The following UNC5C variants were observed in gnomAD, a reference collection of about 807,000 sequenced individuals.
The protein encoded by UNC5C is unc-5 netrin receptor C, also known as netrin receptor UNC5C.
In UNC5C, 47 loss-of-function variants were observed where a neutral mutation model predicts 99.8. That is an observed-to-expected ratio of 0.47 (90% CI 0.37 to 0.60). UNC5C has a LOEUF of 0.60. Among genes scored for constraint, UNC5C ranks in the 20% least tolerant of loss-of-function variants. UNC5C has a pLI of 0.00. For synonymous variants in UNC5C, 487 were observed against 452.2 expected (o/e 1.08, Z -0.98); for missense variants, 1,062 against 1,165.9 (o/e 0.91, Z 1.30).
chr4:95,500,524 A>G (rs979688924), intron 1 of UNC5C, among the ~76,000 whole-genome samples: 4 of 152,136 alleles, frequency 2.6e-5, no homozygotes, highest in African/African-American at 9.7e-5. Context: ...GGTCATGTTT[A>G]TATGGATTAC....
At chr4:95,351,521 T>C (rs1420703534) in intron 1 of UNC5C, among the ~76,000 whole-genome samples, 2 of 151,978 alleles carry the variant, frequency 1.3e-5, no homozygotes, top group Non-Finnish European at 2.9e-5. Context: ...AGTTCCCACA[T>C]TTAAAAAATT....
At chr4:95,212,031 T>C (rs2149364492) in intron 10 of UNC5C, among the ~76,000 whole-genome samples, 1 of 152,340 alleles carries the variant, frequency 6.6e-6, no homozygotes, top group African/African-American at 2.4e-5. Flanking sequence ...GACAGAATAA[T>C]GTCAACTACT....
chr4:95,176,966 G>T (rs1393085231), intron 14 of UNC5C, among the ~76,000 whole-genome samples: 5 of 132,100 alleles, frequency 3.8e-5, no homozygotes, highest in Admixed American at 1.6e-4. Flanking sequence ...TTAAGCCCGT[G>T]GGAAAAGCGC....
chr4:95,471,038 G>A (rs1747951886), intron 1 of UNC5C, among the ~76,000 whole-genome samples: 1 of 151,056 alleles, frequency 6.6e-6, no homozygotes, highest in Non-Finnish European at 1.5e-5. Flanking sequence ...AGTAAAATGA[G>A]CCTAAATTAG....
intron 10 of UNC5C, among the ~76,000 whole-genome samples, chr4:95,207,242 T>A (rs1737914129): frequency 6.6e-6 from 1 of 152,182 alleles, no homozygotes; most frequent in African/African-American, 2.4e-5. Flanking sequence ...TAAAAAATCA[T>A]TTCAGAATGA....
intron 2 of UNC5C, among the ~76,000 whole-genome samples, chr4:95,314,767 A>G (rs937288564): frequency 3.9e-5 from 6 of 152,176 alleles, no homozygotes; most frequent in Admixed American, 3.9e-4. Context: ...TTTCAGTTTT[A>G]TCTCTTGCAA....
At chr4:95,193,784 T>C (rs546653178) in intron 12 of UNC5C, among the ~76,000 whole-genome samples, 10 of 152,146 alleles carry the variant, frequency 6.6e-5, no homozygotes, top group Non-Finnish European at 1.3e-4. Context: ...CAGCCCCCCA[T>C]GCTCTGTCCC....
intron 1 of UNC5C, among the ~76,000 whole-genome samples, chr4:95,491,015 G>T (rs536305926): frequency 6.6e-6 from 1 of 151,656 alleles, no homozygotes; most frequent in African/African-American, 2.4e-5. Flanking sequence ...CAGAGTAGGC[G>T]CTTAATACAT....
At chr4:95,533,427 GAAT>G (rs1044067909) in intron 1 of UNC5C, among the ~76,000 whole-genome samples, 9 of 150,954 alleles carry the variant, frequency 6.0e-5, no homozygotes, top group South Asian at 2.1e-4. Flanking sequence ...AAAATAATAT[GAAT>G]AATATTATTT....
At chr4:95,253,706 C>T (rs1179829332) in intron 4 of UNC5C, among the ~76,000 whole-genome samples, 1 of 152,124 alleles carries the variant, frequency 6.6e-6, no homozygotes, top group African/African-American at 2.4e-5. Flanking sequence ...AGGACTCCTC[C>T]AGCTTCTGAC....
At chr4:95,541,316 T>C (rs1722913113) in intron 1 of UNC5C, among the ~76,000 whole-genome samples, 1 of 152,132 alleles carries the variant, frequency 6.6e-6, no homozygotes, top group Non-Finnish European at 1.5e-5. Context: ...ACCCATGCTG[T>C]ATAGACTCCC....
chr4:95,479,680 G>A (rs572217035), intron 1 of UNC5C, among the ~76,000 whole-genome samples: 1 of 151,930 alleles, frequency 6.6e-6, no homozygotes, highest in African/African-American at 2.4e-5. Context: ...CCAAGATAGT[G>A]AACATATATT....
chr4:95,412,763 A>C, intron 1 of UNC5C, among the ~76,000 whole-genome samples: 1 of 152,178 alleles, frequency 6.6e-6, no homozygotes, highest in Non-Finnish European at 1.5e-5. Flanking sequence ...TCACCAACTG[A>C]CCCTGAAGTA....
chr4:95,232,156 G>A (rs1045809225), intron 7 of UNC5C, among the ~76,000 whole-genome samples: 10 of 151,780 alleles, frequency 6.6e-5, no homozygotes, highest in African/African-American at 2.4e-4. Context: ...CAAACTCATA[G>A]ATCAGCTACT....
rs763103180 is a variant in UNC5C, at chr4:95,169,245, C to T, written c.2785G>A (p.Gly929Arg). ...HETVVSLAAE[G>R]QY is the part of the protein sequence containing the mutation. ...TTCCAGCATGGTGGTTAATACTGCC[C>T]TTCTGCTGCTAAGGACACCACCGTT... is the stretch of plus-strand genomic sequence containing the variant. The change falls in exon 16 of 16, where the codon GGG (glycine) becomes AGG (arginine). Residue 929 changes from glycine (G) to arginine (R), a missense_variant. Coordinates refer to ENST00000453304, the MANE Select transcript of UNC5C (RefSeq NM_003728.4). 2 of 1,613,974 alleles carry T rather than the reference C, an allele frequency of 1.2e-6. No individual in the cohort carries two copies. The highest frequency in any genetic ancestry group is 3.3e-5 in the Admixed American group (2 of 59,988).
chr4:95,186,574 T>C lies in UNC5C; in HGVS notation c.2137-1378A>G, dbSNP rs751400088. 5.9e-5 allele frequency among the ~76,000 whole-genome samples: 9 copies of C among 152,224 alleles called. No individual in the cohort carries two copies. In the South Asian group the frequency reaches 1.2e-3, roughly 21 times the overall value. On this transcript the variant is annotated intron_variant, in intron 12 of 15. Transcript: ENST00000453304. ...GTTCTTAATATCTGTCATCTTTTGG[T>C]GAGGCAACTATTCTGAACCATGCAA...
intron 1 of UNC5C, among the ~76,000 whole-genome samples, chr4:95,480,977 C>A (rs1350611319): frequency 4.6e-5 from 7 of 150,730 alleles, no homozygotes; most frequent in African/African-American, 1.7e-4. Flanking sequence ...CTCACCACTC[C>A]TATTCAACAT....
In UNC5C at chr4:95,206,809, C is replaced by T; in HGVS notation, c.1734-13G>A. The T allele has an allele frequency of 6.5e-7, 1 of 1,545,876 alleles. No homozygotes were observed. Among genetic ancestry groups the T allele is most frequent in the Non-Finnish European group, 8.7e-7 (1 of 1,147,874 alleles). On this transcript the variant is annotated splice_polypyrimidine_tract_variant and intron_variant, in intron 10 of 15. Coordinates refer to ENST00000453304, the MANE Select transcript of UNC5C (RefSeq NM_003728.4). ...ATCCATGGGTGGCCTAGGAGGAGAG[C>T]AGAGAATGGCTTCAGTGACATTTCC... is the stretch of plus-strand genomic sequence containing the variant.
chr4:95,441,646 A>G lies in UNC5C; in HGVS notation c.125-106015T>C, dbSNP rs545170373. Among the ~76,000 whole-genome samples, 297 of 152,300 alleles carry G rather than the reference A, an allele frequency of 2.0e-3. 3 individuals carry two copies. The highest frequency in any genetic ancestry group is 0.017 in the Middle Eastern group (5 of 294). ...ACTGTTCTGTATATGAATATGTAATACATATATATACATAGACACATAATA... is the reference window on the plus strand; with the variant it reads ...ACTGTTCTGTATATGAATATGTAATGCATATATATACATAGACACATAATA... On this transcript the variant is annotated intron_variant, in intron 1 of 15. Transcript: ENST00000453304.
Sources: allele counts gnomAD v4.1 joint callset (sites outside exome capture counted in the v4.1 genomes callset), GRCh38; gene constraint gnomAD v4.1.1; transcripts MANE v1.5; gene names NCBI Gene and HGNC (gene_info 2026-07-23, HGNC 2026-07-21).